The following ARFGEF3 variants were observed in gnomAD, a reference collection of about 807,000 sequenced individuals.
ARFGEF3 encodes the protein brefeldin A-inhibited guanine nucleotide-exchange protein 3.
ARFGEF3 carries 96 observed loss-of-function variants against 221.7 expected under a neutral mutation model. That is an observed-to-expected ratio of 0.43 (90% CI 0.37 to 0.51). The LOEUF is 0.51. ARFGEF3 is among the 20% of genes least tolerant of loss of function. ARFGEF3 has a pLI of 0.00. For missense variants in ARFGEF3, 2,410 were observed against 2,789.9 expected (o/e 0.86, Z 3.07); for synonymous variants, 1,145 against 1,126.8 (o/e 1.02, Z -0.32).
intron 30 of ARFGEF3, 120 bp from the exon 31 acceptor site, chr6:138,323,903 T>TCTAA: frequency 6.5e-7 from 1 of 1,544,740 alleles, no homozygotes; most frequent in Non-Finnish European, 8.8e-7. Flanking sequence ...TTGCAGAGAG[T>TCTAA]GAGAAAGAAG....
intron 29 of ARFGEF3, among the ~76,000 whole-genome samples, chr6:138,323,423 C>T (rs567738545): frequency 2.2e-4 from 34 of 152,232 alleles, no homozygotes; most frequent in African/African-American, 7.9e-4. Context: ...GCCAGCCTGA[C>T]CAACATGGAG....
intron 5 of ARFGEF3, among the ~76,000 whole-genome samples, chr6:138,231,978 A>G (rs1354250202): frequency 1.3e-5 from 2 of 152,252 alleles, no homozygotes; most frequent in Non-Finnish European, 2.9e-5. Context: ...AAGAAATATT[A>G]CCAAATATAA....
chr6:138,315,299 G>C (rs1183023909), intron 26 of ARFGEF3, among the ~76,000 whole-genome samples: 1 of 152,146 alleles, frequency 6.6e-6, no homozygotes, highest in African/African-American at 2.4e-5. Flanking sequence ...GTTCAAACTA[G>C]TAACTGTGGA....
intron 12 of ARFGEF3, among the ~76,000 whole-genome samples, chr6:138,270,907 G>A (rs532183721): frequency 1.3e-5 from 2 of 152,306 alleles, no homozygotes; most frequent in African/African-American, 4.8e-5. Context: ...AGAGGCTGAA[G>A]TCGTGCAGGA....
At chr6:138,281,232 GGTTGCAATGGCTTGTGA>G (rs1471604197) in intron 14 of ARFGEF3, among the ~76,000 whole-genome samples, 28 of 152,178 alleles carry the variant, frequency 1.8e-4, no homozygotes, top group African/African-American at 6.5e-4. Context: ...TTTTGTGTAA[GGTTGCAATGGCTTGTGA>G]GTTGCAATGG....
Position 138,242,966 on chromosome 6 carries a change from A to G in ARFGEF3, c.558A>G (p.Pro186=), listed in dbSNP as rs1169994543. Residue 186 remains proline (P), a synonymous_variant, in exon 7 of 34, where the codon CCA becomes CCG. Coordinates refer to ENST00000251691, the MANE Select transcript of ARFGEF3 (RefSeq NM_020340.5). ...TCCCTTACTAGATAATTGAAAACCC[A>G]GATGTCCCACAGGATTTCGGGAATC... ...QRQENTIIEN[P]DVPQDFGNQG... 1 of 1,612,356 alleles carries G rather than the reference A, an allele frequency of 6.2e-7. No individual in the cohort carries two copies. Among genetic ancestry groups the G allele is most frequent in the Non-Finnish European group, 8.5e-7 (1 of 1,178,862 alleles).
At chr6:138,170,584 C>T in intron 1 of ARFGEF3, 78 bp from the exon 2 acceptor site, 1 of 773,344 alleles carries the variant, frequency 1.3e-6, no homozygotes. Flanking sequence ...AAAAGAGAAA[C>T]TAACAGAGAA....
intron 8 of ARFGEF3, among the ~76,000 whole-genome samples, chr6:138,250,440 G>A (rs575726087): frequency 1.9e-4 from 29 of 152,164 alleles, no homozygotes; most frequent in Non-Finnish European, 3.2e-4. Flanking sequence ...ATGTTAGAGC[G>A]AAACCTATAC....
At chr6:138,264,633 A>T (rs941586819) in intron 12 of ARFGEF3, among the ~76,000 whole-genome samples, 3 of 152,202 alleles carry the variant, frequency 2.0e-5, no homozygotes, top group Non-Finnish European at 4.4e-5. Context: ...TCATGTGTTA[A>T]TGCATCCACC....
chr6:138,242,913 C>T (rs1778419958), intron 6 of ARFGEF3, 39 bp from the exon 7 acceptor site: 2 of 1,569,728 alleles, frequency 1.3e-6, no homozygotes, highest in Non-Finnish European at 1.8e-6. Context: ...TTTTTCTTGC[C>T]TGAATCTCCT....
Position 138,336,935 on chromosome 6 carries a change from G to C in ARFGEF3, c.*449G>C, listed in dbSNP as rs963761454. 2.6e-5 allele frequency: 4 copies of C among 152,514 alleles called. No individual in the cohort carries two copies. The highest frequency in any genetic ancestry group is 9.7e-5 in the African/African-American group (4 of 41,414). 9.4% of individuals were successfully genotyped at this position (152,514 alleles called of 1,614,324 possible). A position where few individuals can be genotyped will look rare whatever the true frequency, so the allele number is the denominator to read the frequency against. On this transcript the variant is annotated 3_prime_UTR_variant, in exon 34 of 34. Transcript: ENST00000251691. ...AAACACTCAGACATCTAGTACCAGG[G>C]ATTATTAATTGGAGGAAGATTTATG...
chr6:138,271,592 T>G (rs1022623917), intron 12 of ARFGEF3, among the ~76,000 whole-genome samples: 2 of 152,220 alleles, frequency 1.3e-5, no homozygotes, highest in African/African-American at 2.4e-5. Context: ...ACAGGTTAAG[T>G]AATAAGTCAT....
intron 2 of ARFGEF3, among the ~76,000 whole-genome samples, chr6:138,193,158 A>G (rs1345597187): frequency 2.0e-5 from 3 of 152,212 alleles, no homozygotes; most frequent in East Asian, 1.9e-4. Flanking sequence ...TCAGGTCACA[A>G]TGGGACTTTG....
chr6:138,209,776 AAG>A (rs1306923507), intron 3 of ARFGEF3, 132 bp from the exon 4 acceptor site: 19 of 1,115,460 alleles, frequency 1.7e-5, no homozygotes, highest in Non-Finnish European at 2.3e-5. Context: ...CACATAGCGT[AAG>A]TTCTTTCTTA....
Position 138,283,053 on chromosome 6 carries a change from T to TAA in ARFGEF3, c.2462-2882_2462-2881dup, listed in dbSNP as rs776352306. Among the ~76,000 whole-genome samples, 1,040 of 145,942 alleles carry TAA rather than the reference T, an allele frequency of 7.1e-3. 6 individuals are homozygous for TAA. Among genetic ancestry groups the TAA allele is most frequent in the South Asian group, 0.031 (140 of 4,582 alleles). ...GCAACAGAGCGAGACTCTGTCTTTT[T>TAA]AAAAAAAAAAAAGAAAAGAAAAGTA... On this transcript the variant is annotated intron_variant, in intron 14 of 33. Coordinates refer to ENST00000251691, the MANE Select transcript of ARFGEF3 (RefSeq NM_020340.5).
At chr6:138,249,434 A>G (rs1456412011) in intron 8 of ARFGEF3, among the ~76,000 whole-genome samples, 1 of 152,154 alleles carries the variant, frequency 6.6e-6, no homozygotes, top group East Asian at 1.9e-4. Context: ...GGTTCAAACA[A>G]TTCTCCTGCT....
intron 2 of ARFGEF3, among the ~76,000 whole-genome samples, chr6:138,179,563 C>T (rs1777020634): frequency 6.6e-6 from 1 of 152,136 alleles, no homozygotes; most frequent in Admixed American, 6.5e-5. Context: ...TGTCCAGACA[C>T]TTCATTCAGT....
chr6:138,296,984 G>A (rs1425826467), intron 21 of ARFGEF3, 29 bp downstream of exon 21: 3 of 1,595,262 alleles, frequency 1.9e-6, no homozygotes, highest in Non-Finnish European at 8.5e-7. Flanking sequence ...GGAAGAGGCT[G>A]GAACTGCTAA....
At position 138,291,692 on chromosome 6, in the gene ARFGEF3, A is replaced by G. The variant is rs916382510; in HGVS notation, c.3048-41A>G. On this transcript the variant is annotated intron_variant, in intron 18 of 33. Transcript: ENST00000251691. This position sits in a 1 kb window ranked among gnomAD's most constrained non-coding sequence, Gnocchi z 4.5. Reference sequence around the variant, plus strand: ...TGGGGTTTATGGAGCTGCCGGGGTGAGCTGCAGCGCCTAACAGCTGCTTGT... The same window carrying G: ...TGGGGTTTATGGAGCTGCCGGGGTGGGCTGCAGCGCCTAACAGCTGCTTGT... 1.6e-6 allele frequency: 2 copies of G among 1,277,952 alleles called. No individual in the cohort carries two copies. The highest frequency in any genetic ancestry group is 2.0e-6 in the Non-Finnish European group (2 of 996,872). 79.2% of individuals were successfully genotyped at this position (1,277,952 alleles called of 1,614,324 possible).
Sources: gnomAD v4.1 joint callset for allele counts (sites outside exome capture counted in the v4.1 genomes callset) on GRCh38, gnomAD v4.1.1 for gene constraint, Gnocchi (gnomAD v3.1) non-coding constraint, MANE v1.5 for transcripts, NCBI Gene and HGNC (gene_info 2026-07-23, HGNC 2026-07-21) for gene names.